ZNF544: variants seen among roughly 807,000 people sequenced by gnomAD.
ZNF544 encodes zinc finger protein 544.
In ZNF544, 10 loss-of-function variants were observed where a neutral mutation model predicts 13.5. That is an observed-to-expected ratio of 0.74 (90% CI 0.46 to 1.25). The LOEUF is 1.25. Ranked by LOEUF, ZNF544 falls within the 50% of genes most tolerant of loss-of-function variation. ZNF544 has a pLI of 0.00. For synonymous variants in ZNF544, 323 were observed against 300.5 expected, an observed-to-expected ratio of 1.07 and a Z score of -0.77; for missense variants, 896 against 845.6, an observed-to-expected ratio of 1.06 and a Z score of -0.74.
rs1480236151 is a variant in ZNF544 at position 58,261,947 on chromosome 19, G to GA, written c.1343dup (p.Asn448LysfsTer3). On this transcript the variant is annotated frameshift_variant, in exon 7 of 7. Coordinates refer to ENST00000687789, the MANE Select transcript of ZNF544 (RefSeq NM_014480.4). LOFTEE classifies it low-confidence loss of function (END_TRUNC). ...TTGAATGCAGAAAATCCTTCAGGTG[G>GA]AACTCTAACCTCATTGTACATCAGA... is the stretch of plus-strand genomic sequence containing the variant. The GA allele has an allele frequency of 6.2e-7, 1 of 1,613,636 alleles. No individual in the cohort carries two copies.
chr19:58,258,425 TGCGAGGGCACCAG>T (rs2048076590), intron 6 of ZNF544: 2 of 63,304 alleles, frequency 3.2e-5, no homozygotes, highest in African/African-American at 1.1e-4. Context: ...GGGTGCTGGT[TGCGAGGGCACCAG>T]GTGTGAGGGT....
chr19:58,254,116 TGA>T (rs1376092508), intron 6 of ZNF544, among the ~76,000 whole-genome samples: 1 of 151,872 alleles, frequency 6.6e-6, no homozygotes, highest in Non-Finnish European at 1.5e-5. Flanking sequence ...CCCAGCTACT[TGA>T]GAGGCTGAGG....
chr19:58,263,619 CTAAA>C lies in ZNF544; in HGVS notation c.*870_*873del, dbSNP rs2049440585. ...GTATTACCAAGCTCACTCTAGCCAACTAAATAAAAATCTCTGGCAGTAAAATCCA... is the reference window on the plus strand; with the variant it reads ...GTATTACCAAGCTCACTCTAGCCAACTAAAAATCTCTGGCAGTAAAATCCA... On this transcript the variant is annotated 3_prime_UTR_variant, in exon 7 of 7. Transcript: ENST00000687789. 7 of 976,268 alleles carry C rather than the reference CTAAA, an allele frequency of 7.2e-6. No individual in the cohort carries two copies. Among genetic ancestry groups the C allele is most frequent in the Non-Finnish European group, 8.5e-6 (7 of 821,662 alleles). 60.5% of individuals were successfully genotyped at this position (976,268 alleles called of 1,614,324 possible). A position where few individuals can be genotyped will look rare whatever the true frequency, so the allele number is the denominator to read the frequency against.
chr19:58,259,541 G>A (rs1220277847), intron 6 of ZNF544: 1 of 152,182 alleles, frequency 6.6e-6, no homozygotes, highest in East Asian at 1.9e-4. Context: ...GTGTTGATAT[G>A]GTTGTGCTCC....
At chr19:58,233,333 C>T (rs1358790013) in intron 3 of ZNF544, among the ~76,000 whole-genome samples, 1 of 152,126 alleles carries the variant, frequency 6.6e-6, no homozygotes, top group Non-Finnish European at 1.5e-5. Context: ...GGCATGATTA[C>T]AGGATTAAGG....
At chr19:58,242,921 T>C (rs1273551304) in intron 3 of ZNF544, among the ~76,000 whole-genome samples, 2 of 152,150 alleles carry the variant, frequency 1.3e-5, no homozygotes, top group Admixed American at 6.5e-5. Flanking sequence ...GGTCTTGAAC[T>C]CCTGACCTTG....
At chr19:58,260,748 C>G in intron 6 of ZNF544, 103 bp from the exon 7 acceptor site, 1 of 1,125,776 alleles carries the variant, frequency 8.9e-7, no homozygotes, top group Non-Finnish European at 1.2e-6. Flanking sequence ...AGTTTGGAAA[C>G]AAACCAGAGA....
intron 6 of ZNF544, chr19:58,257,167 C>T (rs1215874687): frequency 2.0e-5 from 3 of 152,144 alleles, no homozygotes; most frequent in Admixed American, 6.5e-5. Context: ...GTGATCCACC[C>T]GCCTCGGCCT....
At chr19:58,242,571 T>C (rs260486) in intron 3 of ZNF544, among the ~76,000 whole-genome samples, 88,567 of 150,926 alleles carry the variant, frequency 0.59, 26,139 homozygotes, top group Middle Eastern at 0.69. Flanking sequence ...TGGAGTCCAG[T>C]GGTGTGATCT....
chr19:58,238,082 A>G (rs544218176), intron 3 of ZNF544, among the ~76,000 whole-genome samples: 215 of 152,240 alleles, frequency 1.4e-3, no homozygotes, highest in African/African-American at 5.0e-3. Flanking sequence ...ACAGACGTGC[A>G]CCACCACGCC....
At chr19:58,246,653 A>G (rs565856039) in intron 5 of ZNF544, 58 bp from the exon 6 acceptor site, 2 of 1,588,452 alleles carry the variant, frequency 1.3e-6, no homozygotes, top group African/African-American at 1.3e-5. Context: ...GCTTGGACCC[A>G]GGACATGGTT....
rs530752955 is a variant in ZNF544 at position 58,262,881 on chromosome 19, A to C, written c.*127A>C. The C allele has an allele frequency of 2.7e-6, 4 of 1,493,248 alleles. No homozygotes were observed. The East Asian group carries it at 9.2e-5, about 34-fold the overall frequency. The allele number at this position is 1,493,248 out of a possible 1,614,324, so 92.5% of individuals were successfully genotyped here. ...AGCCAGCGGTTGTGACTCATTGAAC[A>C]TCAGAGGACATATCCTGGAGAAAAG... On this transcript the variant is annotated 3_prime_UTR_variant, in exon 7 of 7. Transcript: ENST00000687789.
At chr19:58,248,024 C>T (rs1431166916) in intron 6 of ZNF544, among the ~76,000 whole-genome samples, 3 of 151,980 alleles carry the variant, frequency 2.0e-5, no homozygotes, top group African/African-American at 4.8e-5. Context: ...AGTGATTTTC[C>T]TGCCTCAACC....
rs1325105381 is a variant in ZNF544, at chr19:58,260,686, G to A, written c.245-165G>A. On this transcript the variant is annotated intron_variant, in intron 6 of 6. Transcript: ENST00000687789. Reference sequence around the variant, plus strand: ...TTTTGCACTTTACCACTGATACCATGTTTGCTGATCCATCCCTCCCTTTCA... The same window carrying A: ...TTTTGCACTTTACCACTGATACCATATTTGCTGATCCATCCCTCCCTTTCA... The A allele has an allele frequency of 9.5e-6, 6 of 634,074 alleles. No homozygotes were observed. The East Asian group carries it at 1.7e-4, about 18-fold the overall frequency. The allele number at this position is 634,074 out of a possible 1,614,324, so 39.3% of individuals were successfully genotyped here. A position where few individuals can be genotyped will look rare whatever the true frequency, so the allele number is the denominator to read the frequency against.
At chr19:58,237,414 A>G (rs2042644749) in intron 3 of ZNF544, among the ~76,000 whole-genome samples, 1 of 152,178 alleles carries the variant, frequency 6.6e-6, no homozygotes, top group African/African-American at 2.4e-5. Context: ...CAGGGGCCAC[A>G]AGACACTGAG....
intron 3 of ZNF544, among the ~76,000 whole-genome samples, chr19:58,240,128 C>T (rs2146782261): frequency 6.6e-6 from 1 of 152,310 alleles, no homozygotes; most frequent in Non-Finnish European, 1.5e-5. Context: ...ACTTTGGTTA[C>T]TCAGGCCCTC....
chr19:58,249,676 A>C (rs1259164903), intron 6 of ZNF544, among the ~76,000 whole-genome samples: 1 of 152,208 alleles, frequency 6.6e-6, no homozygotes, highest in Non-Finnish European at 1.5e-5. Context: ...ATTGTTCGGC[A>C]TAAAAACAGC....
intron 6 of ZNF544, chr19:58,251,308 G>C (rs749556319): frequency 3.9e-6 from 2 of 519,026 alleles, no homozygotes; most frequent in Admixed American, 3.9e-5. Context: ...TTTTAAACAG[G>C]TACTTCAGGT....
chr19:58,241,941 CTCTT>C (rs566901476), intron 3 of ZNF544, among the ~76,000 whole-genome samples: 48 of 152,094 alleles, frequency 3.2e-4, no homozygotes, highest in African/African-American at 1.2e-3. Context: ...CTCTCTCTCT[CTCTT>C]TGTGCTTGTT....
Sources: allele counts gnomAD v4.1 joint callset (sites outside exome capture counted in the v4.1 genomes callset), GRCh38; gene constraint gnomAD v4.1.1; transcripts MANE v1.5; gene names NCBI Gene and HGNC (gene_info 2026-07-23, HGNC 2026-07-21).